MGMT: variants seen among roughly 807,000 people sequenced by gnomAD.
The protein encoded by MGMT is methylated-DNA--protein-cysteine methyltransferase.
A neutral mutation model predicts 15.9 loss-of-function variants in MGMT; 14 were observed. The ratio of observed to expected loss-of-function variants is 0.88; its 90% CI spans 0.58 to 1.37. MGMT has a LOEUF of 1.37. Ranked by LOEUF, MGMT falls within the 40% of genes most tolerant of loss-of-function variation. The pLI is 0.00. For missense variants in MGMT, 282 were observed against 268.1 expected (o/e 1.05, Z -0.36); for synonymous variants, 130 against 118.2 (o/e 1.10, Z -0.65).
At chr10:129,667,167 C>T (rs1468927960) in intron 2 of MGMT, among the ~76,000 whole-genome samples, 1 of 152,136 alleles carries the variant, frequency 6.6e-6, no homozygotes, top group Non-Finnish European at 1.5e-5. Context: ...GGAGACAAAC[C>T]ATGGCGGCCC....
intron 3 of MGMT, among the ~76,000 whole-genome samples, chr10:129,728,219 A>G (rs1194635668): frequency 6.6e-6 from 1 of 152,184 alleles, no homozygotes; most frequent in African/African-American, 2.4e-5. Flanking sequence ...GAAGGGATTC[A>G]TTTTGGCATA....
At chr10:129,726,753 G>T (rs7078706) in intron 3 of MGMT, among the ~76,000 whole-genome samples, 46,798 of 151,982 alleles carry the variant, frequency 0.31, 7,376 homozygotes, top group Middle Eastern at 0.44. Context: ...CCATAATATG[G>T]TCATGGAGTT....
rs887593098 is a variant in MGMT at position 129,533,975 on chromosome 10, G to T, written c.-12-2266G>T. Among the ~76,000 whole-genome samples the T allele has an allele frequency of 6.6e-6, 1 of 152,042 alleles. No homozygotes were observed. The highest frequency in any genetic ancestry group is 1.5e-5 in the Non-Finnish European group (1 of 68,004). On this transcript the variant is annotated intron_variant, in intron 1 of 4. Transcript: ENST00000651593. The surrounding 1 kb of genome is among the most constrained non-coding windows in gnomAD (Gnocchi z 4.5). ...GGGGATAAGATCAGAGGTGAAGGGGGTTGGGCTAAAATGTTGATCATGGTG... is the reference window on the plus strand; with the variant it reads ...GGGGATAAGATCAGAGGTGAAGGGGTTTGGGCTAAAATGTTGATCATGGTG...
chr10:129,582,205 G>A (rs1033800287), intron 2 of MGMT, among the ~76,000 whole-genome samples: 1 of 152,224 alleles, frequency 6.6e-6, no homozygotes, highest in Non-Finnish European at 1.5e-5. Flanking sequence ...TCATGAATGT[G>A]CGTGGACCCC....
Position 129,646,754 on chromosome 10 carries a change from A to ATATATATTTTTTTTT in MGMT, c.126-61140_126-61139insATATATTTTTTTTTT. ...TATATATATATATATATATATATAT[A>ATATATATTTTTTTTT]TTTTCAGGGAATGGTAGAGAACAGT... On this transcript the variant is annotated intron_variant, in intron 2 of 4. Coordinates refer to ENST00000651593, the MANE Select transcript of MGMT (RefSeq NM_002412.5). Among the ~76,000 whole-genome samples, 117 of 86,576 alleles carry ATATATATTTTTTTTT rather than the reference A, an allele frequency of 1.4e-3. 2 individuals are homozygous for ATATATATTTTTTTTT. Among genetic ancestry groups the ATATATATTTTTTTTT allele is most frequent in the African/African-American group, 3.7e-3 (94 of 25,408 alleles). The allele number at this position is 86,576 out of a possible 152,430, so 56.8% of individuals were successfully genotyped here.
At chr10:129,522,307 T>C (rs904537727) in intron 1 of MGMT, among the ~76,000 whole-genome samples, 1 of 152,196 alleles carries the variant, frequency 6.6e-6, no homozygotes, top group African/African-American at 2.4e-5. Flanking sequence ...GCTTACTGCC[T>C]TGGGCCCCTG....
intron 2 of MGMT, among the ~76,000 whole-genome samples, chr10:129,648,683 T>C (rs1847423391): frequency 6.6e-6 from 1 of 152,272 alleles, no homozygotes; most frequent in African/African-American, 2.4e-5. Context: ...TTTTTTCTTC[T>C]TGCAGTGTTC....
In MGMT at chr10:129,532,652, C is replaced by T. The variant is rs1172543892; in HGVS notation, c.-12-3589C>T. 6.6e-6 allele frequency among the ~76,000 whole-genome samples: 1 copy of T among 152,078 alleles called. No homozygotes were observed. Among genetic ancestry groups the T allele is most frequent in the Admixed American group, 6.5e-5 (1 of 15,284 alleles). On this transcript the variant is annotated intron_variant, in intron 1 of 4. Transcript: ENST00000651593. This position sits in a 1 kb window ranked among gnomAD's most constrained non-coding sequence, Gnocchi z 5.3. ...CTCCAATGTCTTCCCCTTTGGCTGA[C>T]GCTTGGATTGGGGGTGAACTCGAGG... is the stretch of plus-strand genomic sequence containing the variant.
At chr10:129,646,144 G>A (rs577262231) in intron 2 of MGMT, among the ~76,000 whole-genome samples, 26 of 152,164 alleles carry the variant, frequency 1.7e-4, no homozygotes, top group Non-Finnish European at 2.4e-4. Context: ...GTCACACTAA[G>A]AGCCTCCCAG....
At chr10:129,573,777 C>T (rs1846446689) in intron 2 of MGMT, among the ~76,000 whole-genome samples, 1 of 152,174 alleles carries the variant, frequency 6.6e-6, no homozygotes, top group South Asian at 2.1e-4. Flanking sequence ...AATCATAACC[C>T]TTGACCATAT....
chr10:129,611,534 A>G (rs1049481248), intron 2 of MGMT, among the ~76,000 whole-genome samples: 4 of 152,248 alleles, frequency 2.6e-5, no homozygotes, highest in African/African-American at 9.6e-5. Context: ...ACACAGAGCC[A>G]AACCATATCA....
At chr10:129,748,870 C>G (rs1848723733) in intron 3 of MGMT, among the ~76,000 whole-genome samples, 1 of 152,172 alleles carries the variant, frequency 6.6e-6, no homozygotes, top group Non-Finnish European at 1.5e-5. Flanking sequence ...CTTAATTATT[C>G]AAGCCCAGTA....
chr10:129,487,909 A>AGG (rs759921331), intron 1 of MGMT, among the ~76,000 whole-genome samples: 29 of 125,438 alleles, frequency 2.3e-4, no homozygotes, highest in South Asian at 6.6e-4. Context: ...TATACCATAT[A>AGG]GGGGTGTGTG....
chr10:129,581,270 G>T (rs1846552555), intron 2 of MGMT, among the ~76,000 whole-genome samples: 1 of 152,068 alleles, frequency 6.6e-6, no homozygotes, highest in Non-Finnish European at 1.5e-5. Context: ...CCCTGGTTCT[G>T]CAGTGGCGTG....
At chr10:129,746,238 C>CAAA (rs57022839) in intron 3 of MGMT, among the ~76,000 whole-genome samples, 16 of 104,870 alleles carry the variant, frequency 1.5e-4, no homozygotes, top group African/African-American at 2.8e-4. Context: ...GACTCTGTCT[C>CAAA]AAAAAAAAAA....
chr10:129,622,354 A>G (rs1847100149), intron 2 of MGMT, among the ~76,000 whole-genome samples: 1 of 152,246 alleles, frequency 6.6e-6, no homozygotes, highest in Non-Finnish European at 1.5e-5. Context: ...TAATTCTCAG[A>G]TCACATATAT....
intron 2 of MGMT, among the ~76,000 whole-genome samples, chr10:129,679,544 ATATT>A (rs1847824436): frequency 6.6e-6 from 1 of 152,206 alleles, no homozygotes. Context: ...TATTAGTACA[ATATT>A]TATTAAAAGT....
At chr10:129,634,460 GATAT>G (rs1847243863) in intron 2 of MGMT, among the ~76,000 whole-genome samples, 1 of 152,044 alleles carries the variant, frequency 6.6e-6, no homozygotes, top group South Asian at 2.1e-4. Flanking sequence ...TCCAACTACA[GATAT>G]GTACGATTTC....
At chr10:129,699,780 C>T (rs948173985) in intron 2 of MGMT, among the ~76,000 whole-genome samples, 1 of 152,194 alleles carries the variant, frequency 6.6e-6, no homozygotes, top group Non-Finnish European at 1.5e-5. Context: ...AGGAAGACCT[C>T]CTGTTTACTT....
Sources: allele counts gnomAD v4.1 joint callset (sites outside exome capture counted in the v4.1 genomes callset), GRCh38; gene constraint gnomAD v4.1.1; non-coding constraint Gnocchi (gnomAD v3.1); transcripts MANE v1.5; gene names NCBI Gene and HGNC (gene_info 2026-07-23, HGNC 2026-07-21).